CAMK1D: variants seen among roughly 807,000 people sequenced by gnomAD.
CAMK1D encodes the protein calcium/calmodulin dependent protein kinase ID.
In CAMK1D, 9 loss-of-function variants were observed where a neutral mutation model predicts 47.7. The ratio of observed to expected loss-of-function variants is 0.19; its 90% CI spans 0.11 to 0.33. CAMK1D has a LOEUF of 0.33. CAMK1D is among the 10% of genes least tolerant of loss of function. The pLI, the probability that CAMK1D is intolerant of heterozygous loss-of-function variation, is 1.00. For missense variants in CAMK1D, 291 were observed against 488.7 expected, an observed-to-expected ratio of 0.60 and a Z score of 3.81; for synonymous variants, 184 against 184.9, an observed-to-expected ratio of 0.99 and a Z score of 0.04.
intron 2 of CAMK1D, among the ~76,000 whole-genome samples, chr10:12,592,359 A>G (rs538194141): frequency 5.2e-4 from 79 of 152,360 alleles, no homozygotes; most frequent in Middle Eastern, 3.4e-3. Context: ...TGAAATCACA[A>G]CTAAGGTTCA....
chr10:12,714,642 C>T (rs1834051568), intron 3 of CAMK1D, among the ~76,000 whole-genome samples: 1 of 152,074 alleles, frequency 6.6e-6, no homozygotes, highest in Non-Finnish European at 1.5e-5. Flanking sequence ...TTGCTTTAAT[C>T]CAGGAGGTGG....
chr10:12,482,592 C>T (rs1377224582), intron 1 of CAMK1D, among the ~76,000 whole-genome samples: 1 of 152,190 alleles, frequency 6.6e-6, no homozygotes, highest in Non-Finnish European at 1.5e-5. Context: ...GCCTGGGAAC[C>T]TGCGGAACTT....
intron 2 of CAMK1D, among the ~76,000 whole-genome samples, chr10:12,618,872 G>A (rs948945073): frequency 2.0e-5 from 3 of 152,162 alleles, no homozygotes; most frequent in East Asian, 3.8e-4. Context: ...CCCTGTGAAG[G>A]TATATTATTA....
intron 10 of CAMK1D, among the ~76,000 whole-genome samples, chr10:12,827,848 G>T (rs9424169): frequency 3.3e-5 from 5 of 151,804 alleles, no homozygotes; most frequent in African/African-American, 1.2e-4. Flanking sequence ...ACCACCGTGC[G>T]CAGCTAATTT....
intron 1 of CAMK1D, among the ~76,000 whole-genome samples, chr10:12,482,240 T>C (rs1389054472): frequency 6.6e-6 from 1 of 152,126 alleles, no homozygotes; most frequent in African/African-American, 2.4e-5. Context: ...CCCTGCCCAC[T>C]AGAGTTTGCA....
chr10:12,491,615 C>T (rs1834385537), intron 1 of CAMK1D, among the ~76,000 whole-genome samples: 2 of 152,070 alleles, frequency 1.3e-5, no homozygotes, highest in Admixed American at 6.5e-5. Context: ...TGCCTTTCCT[C>T]ACCTATGAAG....
chr10:12,443,341 G>C (rs1388657692), intron 1 of CAMK1D, among the ~76,000 whole-genome samples: 1 of 152,156 alleles, frequency 6.6e-6, no homozygotes, highest in African/African-American at 2.4e-5. Flanking sequence ...GAGAATCTCT[G>C]CGGTGACACA....
At chr10:12,653,489 C>G (rs541703555) in intron 2 of CAMK1D, among the ~76,000 whole-genome samples, 1 of 152,312 alleles carries the variant, frequency 6.6e-6, no homozygotes, top group East Asian at 1.9e-4. Flanking sequence ...ATGTTTTCTT[C>G]CATTGGAATG....
chr10:12,435,638 C>T (rs1256768107), intron 1 of CAMK1D, among the ~76,000 whole-genome samples: 1 of 152,202 alleles, frequency 6.6e-6, no homozygotes, highest in African/African-American at 2.4e-5. Flanking sequence ...GGCTTTTCCA[C>T]TGCTTTCCAC....
intron 1 of CAMK1D, among the ~76,000 whole-genome samples, chr10:12,427,700 G>GTTTTTTTGTTTTTT (rs1290974363): frequency 9.7e-5 from 3 of 31,032 alleles, no homozygotes; most frequent in Non-Finnish European, 6.2e-5. Context: ...TGAACTTACT[G>GTTTTTTTGTTTTTT]TTTTTTTTTT....
intron 2 of CAMK1D, among the ~76,000 whole-genome samples, chr10:12,666,370 C>T (rs1840430813): frequency 1.3e-5 from 2 of 152,124 alleles, no homozygotes; most frequent in African/African-American, 2.4e-5. Context: ...CAGGCAAGTC[C>T]GTGATGGCCA....
intron 3 of CAMK1D, among the ~76,000 whole-genome samples, chr10:12,677,709 G>A (rs1294018471): frequency 6.6e-6 from 1 of 152,160 alleles, no homozygotes; most frequent in Non-Finnish European, 1.5e-5. Context: ...CAGTCTATGA[G>A]GGGCTTTGTC....
At chr10:12,698,289 G>A (rs1164137591) in intron 3 of CAMK1D, among the ~76,000 whole-genome samples, 1 of 152,176 alleles carries the variant, frequency 6.6e-6, no homozygotes, top group Non-Finnish European at 1.5e-5. Context: ...CAGTTACCAT[G>A]TATACTGGAT....
intron 5 of CAMK1D, among the ~76,000 whole-genome samples, chr10:12,774,079 C>T (rs1362356188): frequency 2.6e-5 from 3 of 117,352 alleles, no homozygotes; most frequent in South Asian, 2.8e-4. Context: ...GGGAGGGGGG[C>T]GGGTACATCA....
chr10:12,637,832 A>AG (rs796192573), intron 2 of CAMK1D, among the ~76,000 whole-genome samples: 1 of 152,258 alleles, frequency 6.6e-6, no homozygotes, highest in African/African-American at 2.4e-5. Context: ...GAAGGGAAGG[A>AG]GACGTGTTCT....
chr10:12,526,308 A>T (rs1397470094), intron 1 of CAMK1D, among the ~76,000 whole-genome samples: 5 of 152,148 alleles, frequency 3.3e-5, no homozygotes, highest in African/African-American at 1.2e-4. Flanking sequence ...TATGGGACTT[A>T]CGTGGTTCTT....
chr10:12,789,217 G>A (rs951624790), intron 5 of CAMK1D, among the ~76,000 whole-genome samples: 4 of 152,130 alleles, frequency 2.6e-5, no homozygotes, highest in African/African-American at 7.2e-5. Context: ...TTTTTTTGGC[G>A]ATTTTTGTTT....
chr10:12,711,583 T>C (rs2130754052), intron 3 of CAMK1D, among the ~76,000 whole-genome samples: 1 of 152,338 alleles, frequency 6.6e-6, no homozygotes, highest in Non-Finnish European at 1.5e-5. Context: ...TTGGTACTGC[T>C]TGCTGCTCTT....
At chr10:12,406,722 C>CAAAAAAAAAAAAAAAAAAAAAA in intron 1 of CAMK1D, among the ~76,000 whole-genome samples, 1 of 69,232 alleles carries the variant, frequency 1.4e-5, no homozygotes, top group African/African-American at 7.0e-5. Flanking sequence ...GACCCTGTCT[C>CAAAAAAAAAAAAAAAAAAAAAA]AAAAAAAAAA....
Sources: allele counts gnomAD v4.1 joint callset (sites outside exome capture counted in the v4.1 genomes callset), GRCh38; gene constraint gnomAD v4.1.1; transcripts MANE v1.5; gene names NCBI Gene and HGNC (gene_info 2026-07-23, HGNC 2026-07-21).